Variants in DYM observed in about 807,000 individuals in gnomAD.
The protein encoded by DYM is dymeclin.
DYM carries 78 observed loss-of-function variants against 93.1 expected under a neutral mutation model. The observed-to-expected ratio is 0.84, with a 90% confidence interval of 0.70 to 1.01. DYM has a LOEUF of 1.01. Among genes scored for constraint, DYM ranks in the 50% least tolerant of loss-of-function variants. The pLI is 0.00. For synonymous variants in DYM, 321 were observed against 319.7 expected (o/e 1.00, Z -0.04); for missense variants, 789 against 845.0 (o/e 0.93, Z 0.82).
At chr18:49,150,187 T>C (rs1220479411) in intron 15 of DYM, among the ~76,000 whole-genome samples, 2 of 152,238 alleles carry the variant, frequency 1.3e-5, no homozygotes, top group Non-Finnish European at 2.9e-5. Context: ...GAACAAAAGT[T>C]AGTCTAACTG....
intron 10 of DYM, among the ~76,000 whole-genome samples, chr18:49,279,583 T>C (rs2094921392): frequency 6.6e-6 from 1 of 152,214 alleles, no homozygotes; most frequent in South Asian, 2.1e-4. Context: ...ACCGGGTATG[T>C]CATCAAACGC....
At chr18:49,448,668 T>C (rs1192036328) in intron 1 of DYM, among the ~76,000 whole-genome samples, 1 of 152,206 alleles carries the variant, frequency 6.6e-6, no homozygotes, top group Non-Finnish European at 1.5e-5. Flanking sequence ...ATGCCCCCAC[T>C]GCTTCCTCTC....
At chr18:49,345,027 A>G (rs895233497) in intron 6 of DYM, among the ~76,000 whole-genome samples, 4 of 152,220 alleles carry the variant, frequency 2.6e-5, no homozygotes, top group African/African-American at 9.6e-5. Flanking sequence ...AAAGAGGTCT[A>G]AAGTTCAAGT....
intron 8 of DYM, among the ~76,000 whole-genome samples, chr18:49,311,860 G>A (rs2061613249): frequency 6.7e-6 from 1 of 149,050 alleles, no homozygotes. Flanking sequence ...ATGTACCCTA[G>A]AACTTAAAGT....
At chr18:49,182,829 C>G (rs2090054951) in intron 14 of DYM, among the ~76,000 whole-genome samples, 1 of 152,178 alleles carries the variant, frequency 6.6e-6, no homozygotes, top group Non-Finnish European at 1.5e-5. Context: ...GGATTTGTTT[C>G]TTTTGTTGCC....
intron 16 of DYM, among the ~76,000 whole-genome samples, chr18:49,110,685 A>T (rs915227879): frequency 2.0e-5 from 3 of 152,182 alleles, no homozygotes; most frequent in African/African-American, 7.2e-5. Context: ...TCTTTTAAAA[A>T]AATGGATTTA....
At chr18:49,269,812 A>T (rs2094645345) in intron 11 of DYM, among the ~76,000 whole-genome samples, 1 of 152,186 alleles carries the variant, frequency 6.6e-6, no homozygotes, top group Non-Finnish European at 1.5e-5. Context: ...AATTTAGTGT[A>T]GCCTAAGTGT....
At chr18:49,078,526 A>G (rs947926150) in intron 17 of DYM, among the ~76,000 whole-genome samples, 1 of 151,988 alleles carries the variant, frequency 6.6e-6, no homozygotes, top group Non-Finnish European at 1.5e-5. Flanking sequence ...CTAAAAACCA[A>G]TGTGATAATT....
intron 8 of DYM, among the ~76,000 whole-genome samples, chr18:49,297,394 A>G (rs984034874): frequency 1.5e-4 from 23 of 152,216 alleles, no homozygotes; most frequent in Non-Finnish European, 1.9e-4. Context: ...AGAAGTTGGG[A>G]TAGTGATATC....
intron 6 of DYM, among the ~76,000 whole-genome samples, chr18:49,361,943 C>T (rs987414404): frequency 2.0e-5 from 3 of 151,836 alleles, no homozygotes; most frequent in South Asian, 4.1e-4. Flanking sequence ...CCAGGCTGGT[C>T]GTGAACTCCT....
In DYM at chr18:49,238,193, AT is replaced by A. The variant is rs1208475725; in HGVS notation, c.1460+18816del. 2.6e-5 allele frequency among the ~76,000 whole-genome samples: 4 copies of A among 152,216 alleles called. No homozygotes were observed. The South Asian group carries it at 8.3e-4, about 32-fold the overall frequency. On this transcript the variant is annotated intron_variant, in intron 13 of 17. Transcript: ENST00000675505. ...TGTTTCCACATAACCTGGAAAATGG[AT>A]TTTTCTAATCTGATAGGTAAGAAAT...
chr18:49,119,232 T>G (rs2082167324), intron 15 of DYM, among the ~76,000 whole-genome samples: 1 of 152,196 alleles, frequency 6.6e-6, no homozygotes, highest in South Asian at 2.1e-4. Flanking sequence ...AGATCCATAT[T>G]GGTATTCTCA....
chr18:49,196,438 TACACACACACAC>T (rs35296321), intron 14 of DYM, among the ~76,000 whole-genome samples: 2 of 150,156 alleles, frequency 1.3e-5, no homozygotes, highest in African/African-American at 2.5e-5. Flanking sequence ...GATCAGTGGT[TACACACACACAC>T]ACACACACAC....
intron 15 of DYM, among the ~76,000 whole-genome samples, chr18:49,141,114 T>C (rs900115900): frequency 6.6e-5 from 10 of 152,312 alleles, no homozygotes; most frequent in African/African-American, 2.4e-4. Context: ...ATTATCCCTC[T>C]TTCCTTCCCA....
chr18:49,389,822 C>T (rs1391111902), intron 3 of DYM, among the ~76,000 whole-genome samples: 1 of 152,106 alleles, frequency 6.6e-6, no homozygotes, highest in Non-Finnish European at 1.5e-5. Flanking sequence ...AGCCACCACT[C>T]CCAGCTACTT....
chr18:49,332,787 A>T (rs777565134), intron 7 of DYM, among the ~76,000 whole-genome samples: 1 of 152,166 alleles, frequency 6.6e-6, no homozygotes, highest in Non-Finnish European at 1.5e-5. Context: ...AACACCCTCT[A>T]TGTCTATTTT....
intron 8 of DYM, among the ~76,000 whole-genome samples, chr18:49,323,087 C>A (rs538484379): frequency 1.3e-5 from 2 of 152,214 alleles, no homozygotes; most frequent in African/African-American, 4.8e-5. Flanking sequence ...TGGTGGCCCT[C>A]AAAATTAGAA....
In DYM at chr18:49,340,333, A is replaced by T. The variant is rs577667187; in HGVS notation, c.495-6480T>A. Among the ~76,000 whole-genome samples, 4 of 152,230 alleles carry T rather than the reference A, an allele frequency of 2.6e-5. No individual in the cohort carries two copies. In the South Asian group the frequency reaches 6.2e-4, roughly 24 times the overall value. On this transcript the variant is annotated intron_variant, in intron 6 of 17. Transcript: ENST00000675505. ...CTCTTAAAAACAGTTTTGAGAGGAA[A>T]AAAGTAAAAAAAAACAGAATGAGTT...
Position 49,389,499 on chromosome 18 carries a change from C to T in DYM, c.193+2094G>A, listed in dbSNP as rs997212195. On this transcript the variant is annotated intron_variant, in intron 3 of 17. Coordinates refer to ENST00000675505, the MANE Select transcript of DYM (RefSeq NM_001353214.3). Reference sequence around the variant, plus strand: ...ATGTATAATGAGTAAATATTACTTGCTTTTTTTCGCCCCTAGATTTGGAGT... The same window carrying T: ...ATGTATAATGAGTAAATATTACTTGTTTTTTTTCGCCCCTAGATTTGGAGT... Among the ~76,000 whole-genome samples, 16 of 152,060 alleles carry T rather than the reference C, an allele frequency of 1.1e-4. No individual in the cohort carries two copies. The East Asian group carries it at 2.7e-3, about 26-fold the overall frequency.
Sources: gnomAD v4.1 joint callset for allele counts (sites outside exome capture counted in the v4.1 genomes callset) on GRCh38, gnomAD v4.1.1 for gene constraint, MANE v1.5 for transcripts, NCBI Gene and HGNC (gene_info 2026-07-23, HGNC 2026-07-21) for gene names.